Variants in FZD3 observed in about 807,000 individuals in gnomAD.
FZD3 encodes frizzled-3.
Under a neutral mutation model 60.7 loss-of-function variants are expected in FZD3, and 30 were observed. The ratio of observed to expected loss-of-function variants is 0.49; its 90% CI spans 0.37 to 0.67. FZD3 has a LOEUF of 0.67. FZD3 is among the 30% of genes least tolerant of loss of function. The pLI is 0.00. For synonymous variants in FZD3, 246 were observed against 275.2 expected (o/e 0.89, Z 1.05); for missense variants, 605 against 838.7 (o/e 0.72, Z 3.44).
chr8:28,496,322 G>C (rs1367578020), intron 1 of FZD3, among the ~76,000 whole-genome samples: 1 of 152,158 alleles, frequency 6.6e-6, no homozygotes, highest in Non-Finnish European at 1.5e-5. Flanking sequence ...GAGCATGTGA[G>C]TTTGTTGATG....
chr8:28,512,330 ATAAAG>A (rs969844480), intron 3 of FZD3, among the ~76,000 whole-genome samples: 21 of 152,126 alleles, frequency 1.4e-4, no homozygotes, highest in Non-Finnish European at 2.6e-4. Context: ...GGTTGAAAAA[ATAAAG>A]TAAGGTAGAT....
intron 7 of FZD3, among the ~76,000 whole-genome samples, chr8:28,558,501 G>C (rs944734178): frequency 1.3e-4 from 20 of 151,768 alleles, no homozygotes; most frequent in African/African-American, 4.8e-4. Flanking sequence ...TACTATCTCA[G>C]CTCACTGCAA....
chr8:28,548,073 G>C (rs982431657), intron 5 of FZD3, among the ~76,000 whole-genome samples: 1 of 152,006 alleles, frequency 6.6e-6, no homozygotes, highest in East Asian at 1.9e-4. Flanking sequence ...GGCTGGTCTC[G>C]AACTCCTGAC....
intron 3 of FZD3, among the ~76,000 whole-genome samples, chr8:28,514,214 A>T (rs1243819072): frequency 2.0e-5 from 3 of 152,060 alleles, no homozygotes; most frequent in Non-Finnish European, 1.5e-5. Flanking sequence ...GACTTCATAG[A>T]GCTTTCATAG....
intron 5 of FZD3, among the ~76,000 whole-genome samples, chr8:28,537,858 T>G (rs925130820): frequency 3.3e-5 from 5 of 152,148 alleles, no homozygotes; most frequent in Non-Finnish European, 4.4e-5. Context: ...GGCTCACGCC[T>G]GCGATCCCAG....
chr8:28,524,608 C>T (rs1308251480), intron 4 of FZD3, among the ~76,000 whole-genome samples: 1 of 152,192 alleles, frequency 6.6e-6, no homozygotes. Context: ...ATTTCCTTCT[C>T]GGATCCTCCT....
chr8:28,557,965 A>C (rs1218001079), intron 7 of FZD3, among the ~76,000 whole-genome samples: 1 of 152,230 alleles, frequency 6.6e-6, no homozygotes, highest in East Asian at 1.9e-4. Context: ...AAAGCTTCGC[A>C]AAAGAGATGG....
intron 5 of FZD3, among the ~76,000 whole-genome samples, chr8:28,543,482 A>G (rs1805221154): frequency 6.6e-6 from 1 of 151,906 alleles, no homozygotes; most frequent in South Asian, 2.1e-4. Flanking sequence ...CCAGGTTCAA[A>G]CAGTTCTCTT....
At chr8:28,516,235 C>T (rs1246167988) in intron 3 of FZD3, among the ~76,000 whole-genome samples, 1 of 152,128 alleles carries the variant, frequency 6.6e-6, no homozygotes, top group African/African-American at 2.4e-5. Context: ...ATTCTGGACT[C>T]GTAATTCTAT....
chr8:28,537,473 T>C (rs1468275826), intron 5 of FZD3, among the ~76,000 whole-genome samples: 1 of 151,996 alleles, frequency 6.6e-6, no homozygotes, highest in Non-Finnish European at 1.5e-5. Context: ...TAATAAATAT[T>C]TTAGACATTG....
chr8:28,525,007 T>C (rs1336986265), intron 4 of FZD3, among the ~76,000 whole-genome samples: 5 of 152,248 alleles, frequency 3.3e-5, no homozygotes, highest in Non-Finnish European at 7.3e-5. Context: ...CATATCTGTC[T>C]CATTCTCACT....
At chr8:28,498,275 G>T (rs1803896987) in intron 1 of FZD3, among the ~76,000 whole-genome samples, 4 of 151,652 alleles carry the variant, frequency 2.6e-5, no homozygotes. Context: ...TAATCTAATA[G>T]GTCCCCCCCC....
intron 3 of FZD3, among the ~76,000 whole-genome samples, chr8:28,511,119 A>AG (rs1295185141): frequency 1.3e-5 from 2 of 152,052 alleles, no homozygotes; most frequent in East Asian, 3.9e-4. Context: ...TGGGAGTCTG[A>AG]GGTGGGCGGA....
At chr8:28,525,249 T>C (rs1229812870) in intron 4 of FZD3, among the ~76,000 whole-genome samples, 2 of 152,236 alleles carry the variant, frequency 1.3e-5, no homozygotes, top group Non-Finnish European at 2.9e-5. Flanking sequence ...AGAGATCCTG[T>C]TCTTATGGAG....
intron 3 of FZD3, among the ~76,000 whole-genome samples, chr8:28,518,211 A>G (rs1042509103): frequency 1.4e-5 from 2 of 145,454 alleles, no homozygotes; most frequent in African/African-American, 5.1e-5. Flanking sequence ...GGCATATGCC[A>G]CCATGCCTGG....
chr8:28,501,386 C>A (rs547964530), intron 2 of FZD3, among the ~76,000 whole-genome samples: 5 of 152,272 alleles, frequency 3.3e-5, no homozygotes, highest in African/African-American at 9.6e-5. Context: ...AGGACAGTTT[C>A]TTTCCCCACT....
chr8:28,522,358 T>G (rs1409332305), intron 4 of FZD3, among the ~76,000 whole-genome samples: 1 of 152,228 alleles, frequency 6.6e-6, no homozygotes, highest in Non-Finnish European at 1.5e-5. Context: ...TCTACGATTT[T>G]AAATGAGGAC....
intron 4 of FZD3, among the ~76,000 whole-genome samples, chr8:28,523,841 A>T (rs908065641): frequency 2.0e-5 from 3 of 152,150 alleles, no homozygotes; most frequent in Non-Finnish European, 4.4e-5. Flanking sequence ...TGAGACCTTT[A>T]AGAGATCGTG....
intron 5 of FZD3, among the ~76,000 whole-genome samples, chr8:28,538,348 C>T (rs1459661971): frequency 3.9e-5 from 6 of 152,008 alleles, no homozygotes; most frequent in Non-Finnish European, 8.8e-5. Context: ...ATAGTTGCTT[C>T]TAGTTTTTTA....
Sources: allele counts gnomAD v4.1 joint callset (sites outside exome capture counted in the v4.1 genomes callset), GRCh38; gene constraint gnomAD v4.1.1; transcripts MANE v1.5; gene names NCBI Gene and HGNC (gene_info 2026-07-23, HGNC 2026-07-21).